DRC3: variants seen among roughly 807,000 people sequenced by gnomAD.
The protein encoded by DRC3 is dynein regulatory complex subunit 3, also known as leucine rich repeat containing 48.
DRC3 carries 45 observed loss-of-function variants against 57.6 expected under a neutral mutation model. The observed-to-expected ratio is 0.78, with a 90% CI of 0.62 to 1.00. The LOEUF (loss-of-function observed/expected upper bound fraction) is 1.00, where lower values mean the gene tolerates loss of function less well. Among genes scored for constraint, DRC3 ranks in the 50% least tolerant of loss-of-function variants. The pLI is 0.00. For synonymous variants in DRC3, 257 were observed against 272.3 expected (o/e 0.94, Z 0.55); for missense variants, 655 against 675.2 (o/e 0.97, Z 0.33).
chr17:17,986,086 A>T (rs2042943488), intron 4 of DRC3, among the ~76,000 whole-genome samples: 1 of 151,988 alleles, frequency 6.6e-6, no homozygotes, highest in Non-Finnish European at 1.5e-5. Flanking sequence ...TAATTTTTGT[A>T]TTTTTAGTAG....
Position 18,016,625 on chromosome 17 carries a change from T to G in DRC3, c.1526T>G (p.Met509Arg). 1.2e-6 allele frequency: 2 copies of G among 1,613,866 alleles called. No individual in the cohort carries two copies. Among genetic ancestry groups the G allele is most frequent in the Non-Finnish European group, 1.7e-6 (2 of 1,179,812 alleles). ...GAGATCAATCAGTACATCGACCACATGCAGAGCGAACTGGACAACCTGGAA... is the reference window on the plus strand; with the variant it reads ...GAGATCAATCAGTACATCGACCACAGGCAGAGCGAACTGGACAACCTGGAA... ...VKEINQYIDH[M>R]QSELDNLECG... Residue 509 changes from methionine (M) to arginine (R), a missense_variant, in exon 14 of 14, where the codon ATG (methionine) becomes AGG (arginine). Coordinates refer to ENST00000399187, the MANE Select transcript of DRC3 (RefSeq NM_031294.4).
At chr17:18,006,552 A>G (rs1423110806) in intron 11 of DRC3, 1 of 474,994 alleles carries the variant, frequency 2.1e-6, no homozygotes, top group Non-Finnish European at 3.8e-6. Flanking sequence ...AAGACACTAT[A>G]AGGAGTACAT....
chr17:17,983,739 C>T (rs1428143037), intron 3 of DRC3, 89 bp from the exon 4 acceptor site: 1 of 897,884 alleles, frequency 1.1e-6, no homozygotes, highest in Non-Finnish European at 1.8e-6. Context: ...TTCTAGGTCC[C>T]TTTTGTGTGG....
At chr17:18,000,355 TGA>T (rs1410254371) in intron 9 of DRC3, among the ~76,000 whole-genome samples, 11 of 145,068 alleles carry the variant, frequency 7.6e-5, no homozygotes, top group African/African-American at 1.9e-4. Flanking sequence ...TGCTTTCACG[TGA>T]GTGTGTGTGT....
At chr17:17,985,647 A>T (rs557652152) in intron 4 of DRC3, among the ~76,000 whole-genome samples, 1 of 152,330 alleles carries the variant, frequency 6.6e-6, no homozygotes, top group South Asian at 2.1e-4. Flanking sequence ...GCTTCCAGGG[A>T]TGCCACGCTG....
At chr17:17,976,681 AT>A (rs1356559233) in intron 2 of DRC3, among the ~76,000 whole-genome samples, 1 of 152,228 alleles carries the variant, frequency 6.6e-6, no homozygotes, top group Non-Finnish European at 1.5e-5. Flanking sequence ...CTCAAAAAAA[AT>A]AAATTAATTA....
intron 3 of DRC3, among the ~76,000 whole-genome samples, chr17:17,982,139 C>T (rs954190500): frequency 2.0e-5 from 3 of 151,826 alleles, no homozygotes; most frequent in Non-Finnish European, 2.9e-5. Flanking sequence ...ATTACAAGCG[C>T]GTGTCACCAC....
At chr17:17,985,774 G>A (rs1203542213) in intron 4 of DRC3, among the ~76,000 whole-genome samples, 2 of 152,188 alleles carry the variant, frequency 1.3e-5, no homozygotes, top group African/African-American at 2.4e-5. Context: ...CCACTAGGGG[G>A]TAGGCTAAGC....
At chr17:17,993,505 T>C (rs2043322641) in intron 6 of DRC3, 1 of 152,234 alleles carries the variant, frequency 6.6e-6, no homozygotes, top group Admixed American at 6.5e-5. Flanking sequence ...AGAAAAGAAG[T>C]TGAGGAGGCC....
intron 12 of DRC3, chr17:18,007,518 A>G (rs1011974171): frequency 1.3e-6 from 2 of 1,546,578 alleles, no homozygotes; most frequent in African/African-American, 2.7e-5. Flanking sequence ...GAGTCTGTAT[A>G]ATGAGTACTG....
intron 12 of DRC3, chr17:18,010,796 AG>A: frequency 3.2e-6 from 1 of 311,362 alleles, no homozygotes. Context: ...GTCCAGGCAA[AG>A]GAGTGGATGC....
At chr17:17,978,181 T>C (rs1389568269) in intron 3 of DRC3, among the ~76,000 whole-genome samples, 1 of 151,936 alleles carries the variant, frequency 6.6e-6, no homozygotes, top group Non-Finnish European at 1.5e-5. Context: ...GATGGCAGCT[T>C]CAGGGAAGGG....
intron 3 of DRC3, among the ~76,000 whole-genome samples, chr17:17,982,297 G>C (rs2042735993): frequency 7.0e-6 from 1 of 143,168 alleles, no homozygotes; most frequent in Non-Finnish European, 1.5e-5. Context: ...CTCACTGAAA[G>C]CTCCGCCTCC....
In DRC3 at chr17:18,008,646, A is replaced by G. The variant is rs1051545125; in HGVS notation, c.1326+1499A>G. 6.6e-6 allele frequency among the ~76,000 whole-genome samples: 1 copy of G among 152,182 alleles called. No homozygotes were observed. Among genetic ancestry groups the G allele is most frequent in the Admixed American group, 6.5e-5 (1 of 15,270 alleles). ...TGGGGCCCAGACAGACACCCAACAT[A>G]GCAGTGTGGTGATAGGGTCACCGTG... is the stretch of plus-strand genomic sequence containing the variant. On this transcript the variant is annotated intron_variant, in intron 12 of 13. Coordinates refer to ENST00000399187, the MANE Select transcript of DRC3 (RefSeq NM_031294.4). The surrounding 1 kb of genome is among the most constrained non-coding windows in gnomAD (Gnocchi z 4.3).
chr17:17,997,093 T>C (rs1471806886), intron 8 of DRC3, among the ~76,000 whole-genome samples: 1 of 152,150 alleles, frequency 6.6e-6, no homozygotes, highest in Non-Finnish European at 1.5e-5. Flanking sequence ...CTTCCCCAGC[T>C]GGGACCGGCT....
chr17:17,975,212 T>G, intron 2 of DRC3, among the ~76,000 whole-genome samples: 1 of 50,206 alleles, frequency 2.0e-5, no homozygotes, highest in Admixed American at 2.4e-4. Flanking sequence ...TATAGCACCT[T>G]TTTTTTTTTT....
intron 3 of DRC3, among the ~76,000 whole-genome samples, chr17:17,982,919 A>G (rs1300307848): frequency 6.6e-6 from 1 of 152,254 alleles, no homozygotes; most frequent in Non-Finnish European, 1.5e-5. Context: ...ATCATTACAA[A>G]AGCAAATATG....
At chr17:18,000,850 C>T (rs1257262083) in intron 9 of DRC3, among the ~76,000 whole-genome samples, 1 of 152,070 alleles carries the variant, frequency 6.6e-6, no homozygotes, top group Non-Finnish European at 1.5e-5. Context: ...ATATTTTGCC[C>T]TTGCCCACTT....
intron 12 of DRC3, among the ~76,000 whole-genome samples, chr17:18,013,574 C>A (rs779960870): frequency 4.6e-5 from 7 of 152,052 alleles, no homozygotes; most frequent in Non-Finnish European, 7.4e-5. Context: ...CACTCATATG[C>A]CGAAGCTAAA....
Sources: gnomAD v4.1 joint callset for allele counts (sites outside exome capture counted in the v4.1 genomes callset) on GRCh38, gnomAD v4.1.1 for gene constraint, Gnocchi (gnomAD v3.1) non-coding constraint, MANE v1.5 for transcripts, NCBI Gene and HGNC (gene_info 2026-07-23, HGNC 2026-07-21) for gene names.